The following SYT10 variants were observed in gnomAD, a reference collection of about 807,000 sequenced individuals.
The protein encoded by SYT10 is synaptotagmin-10.
A neutral mutation model predicts 51.1 loss-of-function variants in SYT10; 31 were observed. The ratio of observed to expected loss-of-function variants is 0.61; its 90% confidence interval spans 0.46 to 0.82. The LOEUF (loss-of-function observed/expected upper bound fraction) is 0.82, where lower values mean the gene tolerates loss of function less well. SYT10 is among the 40% of genes least tolerant of loss of function. SYT10 has a pLI of 0.00. For missense variants in SYT10, 603 were observed against 634.0 expected (o/e 0.95, Z 0.53); for synonymous variants, 233 against 225.9 (o/e 1.03, Z -0.28).
At chr12:33,380,327 T>C (rs1207616973) in intron 5 of SYT10, among the ~76,000 whole-genome samples, 1 of 152,218 alleles carries the variant, frequency 6.6e-6, no homozygotes, top group Non-Finnish European at 1.5e-5. Context: ...AATCTTGTTC[T>C]TTCCACAAAG....
chr12:33,376,060 T>G lies in SYT10; in HGVS notation c.*770A>C, dbSNP rs1381284535. The G allele has an allele frequency of 6.6e-6, 1 of 152,384 alleles. No individual in the cohort carries two copies. Among genetic ancestry groups the G allele is most frequent in the Admixed American group, 6.5e-5 (1 of 15,286 alleles). 9.4% of individuals were successfully genotyped at this position (152,384 alleles called of 1,614,324 possible). The stretch of plus-strand genomic sequence containing the variant: ...AATGCTACATTTGAGATGAAGATTA[T>G]TAGAATTTTAAAAATATCAGTTGAA... On this transcript the variant is annotated 3_prime_UTR_variant, in exon 7 of 7. Coordinates refer to ENST00000228567, the MANE Select transcript of SYT10 (RefSeq NM_198992.4).
At chr12:33,419,316 A>G (rs550619097) in intron 2 of SYT10, among the ~76,000 whole-genome samples, 1 of 152,296 alleles carries the variant, frequency 6.6e-6, no homozygotes, top group Admixed American at 6.5e-5. Flanking sequence ...ATGTGTATCA[A>G]ATTTCAAGAA....
At chr12:33,430,917 G>GA (rs1243339735) in intron 1 of SYT10, among the ~76,000 whole-genome samples, 1 of 152,130 alleles carries the variant, frequency 6.6e-6, no homozygotes, top group Non-Finnish European at 1.5e-5. Context: ...GCATGCTTCT[G>GA]ATTTCTGTAA....
At chr12:33,433,792 T>C (rs1327243432) in intron 1 of SYT10, among the ~76,000 whole-genome samples, 1 of 152,134 alleles carries the variant, frequency 6.6e-6, no homozygotes, top group Non-Finnish European at 1.5e-5. Flanking sequence ...AATGTAATAA[T>C]ATTAACAGCT....
intron 2 of SYT10, among the ~76,000 whole-genome samples, chr12:33,413,721 G>A (rs1427095675): frequency 1.3e-5 from 2 of 152,180 alleles, no homozygotes; most frequent in Non-Finnish European, 2.9e-5. Flanking sequence ...ACCAGCCACT[G>A]CAAAAACATG....
chr12:33,431,265 A>G (rs1866594682), intron 1 of SYT10, among the ~76,000 whole-genome samples: 1 of 152,210 alleles, frequency 6.6e-6, no homozygotes, highest in Admixed American at 6.5e-5. Flanking sequence ...TCATGTGGCT[A>G]TACCAAACTG....
rs1352812842 is a variant in SYT10, at chr12:33,439,484, G to GCACA, written c.35_38dup (p.Gln14ValfsTer94). Reference sequence around the variant, plus strand: ...CGGTGACGATGTGCAGAGCCTTCTGGCACAGACTGTTCACTCCGTCCTCCT... The same window carrying GCACA: ...CGGTGACGATGTGCAGAGCCTTCTGGCACACACAGACTGTTCACTCCGTCCTCCT... On this transcript the variant is annotated frameshift_variant, in exon 1 of 7. Coordinates refer to ENST00000228567, the MANE Select transcript of SYT10 (RefSeq NM_198992.4). LOFTEE classifies it high-confidence loss of function. 2.7e-5 allele frequency: 43 copies of GCACA among 1,614,196 alleles called. No individual in the cohort carries two copies. Among genetic ancestry groups the GCACA allele is most frequent in the Non-Finnish European group, 3.6e-5 (42 of 1,180,012 alleles).
rs757340341 is a variant in SYT10, at chr12:33,426,248, G to C, written c.399C>G (p.Ile133Met). The change falls in exon 2 of 7, where the codon ATC (isoleucine) becomes ATG (methionine). Residue 133 changes from isoleucine to methionine, a missense_variant. Coordinates refer to ENST00000228567, the MANE Select transcript of SYT10 (RefSeq NM_198992.4). ...AVKAIEPAIK[I>M]SHTSPDIPAE... ...CTGGGATGTCAGGGGAAGTGTGGCT[G>C]ATTTTTATTGCAGGCTCAATAGCTT... 3.1e-6 allele frequency: 5 copies of C among 1,614,050 alleles called. No homozygotes were observed. The African/African-American group carries it at 5.3e-5, about 17-fold the overall frequency.
Position 33,379,873 on chromosome 12 carries a change from AG to A in SYT10, c.1458del (p.Tyr487IlefsTer6). ...LGRDHWNEML[A>X]YHRKPITHWH... ...CAGTGCGTTATTGGTTTTCGATGATAGGCCAGCATTTCATTCCAGTGGTCTC... is the reference window on the plus strand; with the variant it reads ...CAGTGCGTTATTGGTTTTCGATGATAGCCAGCATTTCATTCCAGTGGTCTC... On this transcript the variant is annotated frameshift_variant, in exon 6 of 7. Transcript: ENST00000228567. LOFTEE classifies it high-confidence loss of function. The A allele has an allele frequency of 6.2e-7, 1 of 1,614,026 alleles. No homozygotes were observed. The highest frequency in any genetic ancestry group is 8.5e-7 in the Non-Finnish European group (1 of 1,179,948).
chr12:33,399,666 G>A (rs1866285521), intron 3 of SYT10, among the ~76,000 whole-genome samples: 1 of 152,086 alleles, frequency 6.6e-6, no homozygotes, highest in African/African-American at 2.4e-5. Context: ...GGCTGAGTTA[G>A]GCAGATGTTA....
chr12:33,381,083 C>T (rs1453781259), intron 5 of SYT10, among the ~76,000 whole-genome samples: 3 of 152,136 alleles, frequency 2.0e-5, no homozygotes, highest in Non-Finnish European at 4.4e-5. Context: ...TATCTACCTA[C>T]ACTTATTGCT....
chr12:33,432,993 A>G (rs564661730), intron 1 of SYT10: 32 of 152,218 alleles, frequency 2.1e-4, no homozygotes, highest in Admixed American at 9.8e-4. Flanking sequence ...TTTTTTCCCC[A>G]ATAGTCTATG....
intron 3 of SYT10, among the ~76,000 whole-genome samples, chr12:33,401,104 A>C (rs1327981762): frequency 1.3e-5 from 2 of 152,186 alleles, no homozygotes; most frequent in African/African-American, 4.8e-5. Context: ...CTTAAACATA[A>C]AATGTATATA....
At chr12:33,412,508 G>A (rs1310135328) in intron 2 of SYT10, among the ~76,000 whole-genome samples, 1 of 151,440 alleles carries the variant, frequency 6.6e-6, no homozygotes, top group East Asian at 1.9e-4. Context: ...TGTTACTAAC[G>A]CCATTCTTAT....
At chr12:33,439,030 G>A (rs1866660780) in intron 1 of SYT10, among the ~76,000 whole-genome samples, 1 of 152,214 alleles carries the variant, frequency 6.6e-6, no homozygotes, top group Non-Finnish European at 1.5e-5. Context: ...CCGTCCCGGC[G>A]CCGTCACCGC....
chr12:33,381,138 T>A (rs1227479974), intron 5 of SYT10, among the ~76,000 whole-genome samples: 2 of 152,154 alleles, frequency 1.3e-5, no homozygotes, highest in Non-Finnish European at 2.9e-5. Context: ...ATAGGGCCCC[T>A]GATGAAAACA....
At chr12:33,380,025 T>A in intron 5 of SYT10, 64 bp from the exon 6 acceptor site, 1 of 1,515,420 alleles carries the variant, frequency 6.6e-7, no homozygotes, top group Non-Finnish European at 8.9e-7. Context: ...GTTTCACAAA[T>A]CGTAGTAGAA....
At chr12:33,409,454 T>G (rs1866387022) in intron 2 of SYT10, among the ~76,000 whole-genome samples, 1 of 151,408 alleles carries the variant, frequency 6.6e-6, no homozygotes, top group Non-Finnish European at 1.5e-5. Context: ...TGACCTTAAG[T>G]GATTTGCCCA....
intron 2 of SYT10, among the ~76,000 whole-genome samples, chr12:33,416,796 G>A (rs929855499): frequency 6.6e-6 from 1 of 152,078 alleles, no homozygotes; most frequent in African/African-American, 2.4e-5. Flanking sequence ...CTTGTGCTGA[G>A]GATACTAATA....
Sources: allele counts gnomAD v4.1 joint callset (sites outside exome capture counted in the v4.1 genomes callset), GRCh38; gene constraint gnomAD v4.1.1; transcripts MANE v1.5; gene names NCBI Gene and HGNC (gene_info 2026-07-23, HGNC 2026-07-21).